LPP: variants seen among roughly 807,000 people sequenced by gnomAD.
LPP encodes the protein LIM domain containing preferred translocation partner in lipoma, also known as lipoma-preferred partner.
In LPP, 38 loss-of-function variants were observed where a neutral mutation model predicts 60.4. The observed-to-expected ratio is 0.63, with a 90% CI of 0.49 to 0.83. LPP has a LOEUF of 0.83. Among genes scored for constraint, LPP ranks in the 40% least tolerant of loss-of-function variants. LPP has a pLI of 0.00. For missense variants in LPP, 902 were observed against 783.6 expected (o/e 1.15, Z -1.80); for synonymous variants, 328 against 290.8 (o/e 1.13, Z -1.30).
intron 3 of LPP, among the ~76,000 whole-genome samples, chr3:188,404,470 C>T (rs1156770550): frequency 6.6e-6 from 1 of 152,134 alleles, no homozygotes; most frequent in African/African-American, 2.4e-5. Context: ...GTCTCAAACT[C>T]CTGGCCTCAA....
intron 9 of LPP, among the ~76,000 whole-genome samples, chr3:188,795,318 A>G (rs2151074261): frequency 6.6e-6 from 1 of 152,306 alleles, no homozygotes; most frequent in Non-Finnish European, 1.5e-5. Context: ...TCAGGGATTT[A>G]ACACAATGCA....
chr3:188,419,329 C>T (rs1389209775), intron 4 of LPP, among the ~76,000 whole-genome samples: 1 of 152,128 alleles, frequency 6.6e-6, no homozygotes, highest in Admixed American at 6.6e-5. Context: ...TATGAAAATG[C>T]CCAGTTAACT....
In LPP at chr3:188,572,879, G is replaced by T. The variant is rs960783457; in HGVS notation, c.430-36282G>T. Among the ~76,000 whole-genome samples, 1 of 152,058 alleles carries T rather than the reference G, an allele frequency of 6.6e-6. No individual in the cohort carries two copies. The highest frequency in any genetic ancestry group is 1.5e-5 in the Non-Finnish European group (1 of 67,992). The stretch of plus-strand genomic sequence containing the variant: ...CATTTCCAACACTTTTGACCTCCAT[G>T]CCAGAGTAAAAGAGCTCTGAGGGTC... On this transcript the variant is annotated intron_variant, in intron 6 of 11. Transcript: ENST00000617246. The surrounding 1 kb of genome is among the most constrained non-coding windows in gnomAD (Gnocchi z 4.1).
intron 6 of LPP, among the ~76,000 whole-genome samples, chr3:188,548,434 G>C (rs1008251632): frequency 6.6e-6 from 1 of 152,086 alleles, no homozygotes; most frequent in African/African-American, 2.4e-5. Flanking sequence ...GACCTCTTGC[G>C]GTCGATGTTT....
At chr3:188,252,051 TATATATATATATATATATATATATAC>T (rs1246035087) in intron 2 of LPP, among the ~76,000 whole-genome samples, 3 of 96,240 alleles carry the variant, frequency 3.1e-5, no homozygotes, top group African/African-American at 8.3e-5. Context: ...TATATATATA[TATATATATATATATATATATATATAC>T]ACACACACAC....
At chr3:188,203,233 A>G (rs1409875236) in intron 1 of LPP, among the ~76,000 whole-genome samples, 1 of 130,056 alleles carries the variant, frequency 7.7e-6, no homozygotes, top group Non-Finnish European at 1.5e-5. Context: ...TTGTAATACA[A>G]TATATTTTAT....
At chr3:188,745,622 C>T (rs1204731210) in intron 8 of LPP, among the ~76,000 whole-genome samples, 1 of 151,978 alleles carries the variant, frequency 6.6e-6, no homozygotes, top group African/African-American at 2.4e-5. Flanking sequence ...AAAGCTGACC[C>T]CTAATACATC....
chr3:188,702,378 C>CATTTTTTTT, intron 7 of LPP, among the ~76,000 whole-genome samples: 1 of 131,850 alleles, frequency 7.6e-6, no homozygotes, highest in Non-Finnish European at 1.6e-5. Flanking sequence ...GCAATTTATT[C>CATTTTTTTT]TTCAAGATCA....
rs535866138 is a variant in LPP, at chr3:188,405,443, C to T, written c.-9-669C>T. Among the ~76,000 whole-genome samples, 6 of 152,134 alleles carry T rather than the reference C, an allele frequency of 3.9e-5. No homozygotes were observed. The South Asian group carries it at 1.0e-3, about 26-fold the overall frequency. ...TTGCTTGCTACTTTCTGTTATTCGC[C>T]CTCCAAGCACACTAAACGTAAATGC... On this transcript the variant is annotated intron_variant, in intron 3 of 11. Coordinates refer to ENST00000617246, the MANE Select transcript of LPP (RefSeq NM_001375462.1).
intron 7 of LPP, among the ~76,000 whole-genome samples, chr3:188,649,652 AG>A (rs1331884146): frequency 8.1e-5 from 1 of 12,378 alleles, no homozygotes; most frequent in Non-Finnish European, 3.1e-3. Context: ...ATAGTTGTGA[AG>A]GTTTTTTTTT....
chr3:188,625,655 T>C (rs1334329748), intron 7 of LPP, among the ~76,000 whole-genome samples: 1 of 152,200 alleles, frequency 6.6e-6, no homozygotes, highest in Non-Finnish European at 1.5e-5. Context: ...TTCCAACTTT[T>C]CTGCCTATAG....
At chr3:188,384,542 A>G (rs1777721502) in intron 3 of LPP, among the ~76,000 whole-genome samples, 1 of 152,130 alleles carries the variant, frequency 6.6e-6, no homozygotes, top group African/African-American at 2.4e-5. Context: ...CTGTAATCCC[A>G]GCACTTTGGG....
In LPP at chr3:188,885,929, A is replaced by G. The variant is rs538098085; in HGVS notation, c.*11450A>G. On this transcript the variant is annotated 3_prime_UTR_variant, in exon 12 of 12. Transcript: ENST00000617246. ...TTTTCATGTGTTTCTTGGCTGCATA[A>G]ATGTCTTCTTTTGAGAAGTGTCTGT... 6.6e-4 allele frequency: 100 copies of G among 152,304 alleles called. No homozygotes were observed. Among genetic ancestry groups the G allele is most frequent in the African/African-American group, 1.9e-3 (77 of 41,552 alleles). 9.4% of individuals were successfully genotyped at this position (152,304 alleles called of 1,614,324 possible). A position where few individuals can be genotyped will look rare whatever the true frequency, so the allele number is the denominator to read the frequency against.
At chr3:188,822,403 C>A (rs761301429) in intron 9 of LPP, among the ~76,000 whole-genome samples, 1 of 151,998 alleles carries the variant, frequency 6.6e-6, no homozygotes, top group African/African-American at 2.4e-5. Context: ...AAGGGACAGA[C>A]GATTGATGAG....
At chr3:188,635,332 T>G (rs79593633) in intron 7 of LPP, among the ~76,000 whole-genome samples, 2,343 of 152,258 alleles carry the variant, frequency 0.015, 55 homozygotes, top group African/African-American at 0.053. Context: ...AAATAAATAC[T>G]GAGAGTTTGG....
intron 3 of LPP, among the ~76,000 whole-genome samples, chr3:188,369,132 G>T (rs1261346624): frequency 1.3e-5 from 2 of 152,032 alleles, no homozygotes; most frequent in African/African-American, 4.8e-5. Context: ...GTCTAAACCT[G>T]GGGAACTATC....
intron 2 of LPP, among the ~76,000 whole-genome samples, chr3:188,329,607 T>A (rs1182002321): frequency 6.6e-6 from 1 of 152,250 alleles, no homozygotes; most frequent in Non-Finnish European, 1.5e-5. Flanking sequence ...AAAACCTGTA[T>A]AATTATTGAA....
intron 6 of LPP, among the ~76,000 whole-genome samples, chr3:188,576,223 A>G (rs919511180): frequency 1.3e-5 from 2 of 152,136 alleles, no homozygotes; most frequent in African/African-American, 4.8e-5. Context: ...GTTCAAACCA[A>G]TTGGTGCATT....
intron 6 of LPP, among the ~76,000 whole-genome samples, chr3:188,529,693 C>T (rs1034145494): frequency 5.9e-5 from 9 of 152,162 alleles, no homozygotes; most frequent in South Asian, 2.1e-4. Context: ...TGGCTTAATT[C>T]CACATATTCA....
Sources: gnomAD v4.1 joint callset for allele counts (sites outside exome capture counted in the v4.1 genomes callset) on GRCh38, gnomAD v4.1.1 for gene constraint, Gnocchi (gnomAD v3.1) non-coding constraint, MANE v1.5 for transcripts, NCBI Gene and HGNC (gene_info 2026-07-23, HGNC 2026-07-21) for gene names.